BMAL2: variants seen among roughly 807,000 people sequenced by gnomAD.
The protein encoded by BMAL2 is basic helix-loop-helix ARNT like 2.
chr12:27,413,638 A>G, the BMAL2 span, among the ~76,000 whole-genome samples: 1 of 152,250 alleles, frequency 6.6e-6, no homozygotes, highest in Non-Finnish European at 1.5e-5. Context: ...AATATAGCCT[A>G]GTAGGTACTT....
At chr12:27,363,387 G>A in the BMAL2 span, among the ~76,000 whole-genome samples, 1 of 152,124 alleles carries the variant, frequency 6.6e-6, no homozygotes, top group Non-Finnish European at 1.5e-5. Context: ...CCTTTATTAG[G>A]TAATGCAAAA....
chr12:27,412,189 T>G, the BMAL2 span, among the ~76,000 whole-genome samples: 1 of 152,112 alleles, frequency 6.6e-6, no homozygotes, highest in Non-Finnish European at 1.5e-5. Flanking sequence ...TTAAGAGAAG[T>G]GGAAATGGAG....
the BMAL2 span, among the ~76,000 whole-genome samples, chr12:27,408,994 A>G: frequency 6.6e-6 from 1 of 152,232 alleles, no homozygotes. Flanking sequence ...CCCATTTACA[A>G]TTGCTTCAAA....
At chr12:27,339,896 G>C in the BMAL2 span, among the ~76,000 whole-genome samples, 1 of 152,084 alleles carries the variant, frequency 6.6e-6, no homozygotes, top group Admixed American at 6.5e-5. Flanking sequence ...CCACATGTAT[G>C]TCTTTTGAAA....
chr12:27,351,371 C>T, the BMAL2 span, among the ~76,000 whole-genome samples: 1 of 152,148 alleles, frequency 6.6e-6, no homozygotes, highest in Non-Finnish European at 1.5e-5. Flanking sequence ...ATGCCTTAAT[C>T]ATGTCTTTTA....
At chr12:27,392,768 T>C in the BMAL2 span, among the ~76,000 whole-genome samples, 1 of 152,232 alleles carries the variant, frequency 6.6e-6, no homozygotes, top group Non-Finnish European at 1.5e-5. Flanking sequence ...GAGGCTAGAA[T>C]GGTCAAATTT....
the BMAL2 span, among the ~76,000 whole-genome samples, chr12:27,347,327 A>G: frequency 6.6e-6 from 1 of 152,196 alleles, no homozygotes; most frequent in Non-Finnish European, 1.5e-5. Context: ...TTATTTCTCA[A>G]TAATTTTGGC....
chr12:27,367,130 A>C, the BMAL2 span, among the ~76,000 whole-genome samples: 2 of 152,338 alleles, frequency 1.3e-5, no homozygotes, highest in South Asian at 4.1e-4. Context: ...AATTATAACA[A>C]TATGCCAGCA....
At chr12:27,374,031 G>T in the BMAL2 span, among the ~76,000 whole-genome samples, 1 of 152,108 alleles carries the variant, frequency 6.6e-6, no homozygotes, top group African/African-American at 2.4e-5. Flanking sequence ...GTTCTATTCT[G>T]CCAGGGGCCA....
At chr12:27,393,461 C>T in the BMAL2 span, among the ~76,000 whole-genome samples, 1 of 152,174 alleles carries the variant, frequency 6.6e-6, no homozygotes, top group African/African-American at 2.4e-5. Context: ...AGAGAGCCTA[C>T]TTTGACAGTC....
the BMAL2 span, among the ~76,000 whole-genome samples, chr12:27,349,739 C>T: frequency 6.6e-6 from 1 of 152,136 alleles, no homozygotes; most frequent in Non-Finnish European, 1.5e-5. Flanking sequence ...TCAGTGTTTT[C>T]TTATAAACAC....
chr12:27,371,547 C>A, the BMAL2 span, among the ~76,000 whole-genome samples: 1 of 152,118 alleles, frequency 6.6e-6, no homozygotes, highest in Non-Finnish European at 1.5e-5. Flanking sequence ...GAGGGATAAA[C>A]ACGAACTAAG....
chr12:27,380,277 G>A, the BMAL2 span: 2 of 1,614,058 alleles, frequency 1.2e-6, no homozygotes, highest in African/African-American at 1.3e-5. Flanking sequence ...AAAAGCGGAG[G>A]AGAGATAAAA....
At chr12:27,373,720 C>T in the BMAL2 span, among the ~76,000 whole-genome samples, 9 of 152,194 alleles carry the variant, frequency 5.9e-5, no homozygotes, top group African/African-American at 2.2e-4. Context: ...TTTGAGATTG[C>T]ATCTGCGTCT....
the BMAL2 span, among the ~76,000 whole-genome samples, chr12:27,400,213 G>A: frequency 1.3e-5 from 2 of 152,114 alleles, no homozygotes; most frequent in South Asian, 4.1e-4. Flanking sequence ...TCTAATAGAT[G>A]TAAATTACTA....
the BMAL2 span, among the ~76,000 whole-genome samples, chr12:27,377,870 G>A: frequency 6.6e-6 from 1 of 152,186 alleles, no homozygotes; most frequent in African/African-American, 2.4e-5. Flanking sequence ...TTTTGTTCCA[G>A]GAGTGTCATT....
chr12:27,355,922 A>T, the BMAL2 span, among the ~76,000 whole-genome samples: 1 of 152,176 alleles, frequency 6.6e-6, no homozygotes, highest in African/African-American at 2.4e-5. Context: ...AGATGAATTA[A>T]TCTTAACCAT....
the BMAL2 span, among the ~76,000 whole-genome samples, chr12:27,340,450 T>C: frequency 5.9e-5 from 9 of 152,208 alleles, 1 homozygote; most frequent in Non-Finnish European, 1.2e-4. Context: ...CTCTATTCTG[T>C]TCCAATAGTC....
At chr12:27,409,916 C>T in the BMAL2 span, among the ~76,000 whole-genome samples, 1 of 152,062 alleles carries the variant, frequency 6.6e-6, no homozygotes, top group African/African-American at 2.4e-5. Context: ...CAAACAACCC[C>T]ATTAAAAAGT....
Sources: gnomAD v4.1 joint callset for allele counts (sites outside exome capture counted in the v4.1 genomes callset) on GRCh38, gnomAD v4.1.1 for gene constraint, MANE v1.5 for transcripts, NCBI Gene and HGNC (gene_info 2026-07-23, HGNC 2026-07-21) for gene names.